Variants in PDE7B observed in about 807,000 individuals in gnomAD.
The protein encoded by PDE7B is 3',5'-cyclic-AMP phosphodiesterase 7B.
PDE7B carries 29 observed loss-of-function variants against 56.2 expected under a neutral mutation model. The ratio of observed to expected loss-of-function variants is 0.52; its 90% CI spans 0.38 to 0.70. The LOEUF (loss-of-function observed/expected upper bound fraction) is 0.70. Among genes scored for constraint, PDE7B ranks in the 30% least tolerant of loss-of-function variants. The pLI is 0.00. For missense variants in PDE7B, 490 were observed against 565.0 expected, an observed-to-expected ratio of 0.87 and a Z score of 1.35; for synonymous variants, 197 against 196.9, an observed-to-expected ratio of 1.00 and a Z score of 0.00.
rs112108617 is a variant in PDE7B at position 136,037,359 on chromosome 6, C to G, written c.83-71372C>G. The G allele has an allele frequency of 3.3e-3, 3,074 of 922,522 alleles. 84 individuals carry two copies. In the African/African-American group the frequency reaches 0.048, roughly 15 times the overall value. 57.1% of individuals were successfully genotyped at this position (922,522 alleles called of 1,614,324 possible). ...AATGTGATTCAATGTTATTTCCCTT[C>G]CAGCTGAAGGGCAGCTGAGGTTATG... On this transcript the variant is annotated intron_variant, in intron 2 of 12. Coordinates refer to ENST00000308191, the MANE Select transcript of PDE7B (RefSeq NM_018945.4).
At chr6:135,981,948 A>G (rs1775305016) in intron 2 of PDE7B, among the ~76,000 whole-genome samples, 2 of 152,082 alleles carry the variant, frequency 1.3e-5, no homozygotes, top group South Asian at 4.1e-4. Flanking sequence ...ATCACCATAA[A>G]CAGTGCGATG....
At chr6:135,928,501 TTA>T (rs199760999) in intron 1 of PDE7B, among the ~76,000 whole-genome samples, 24,707 of 93,434 alleles carry the variant, frequency 0.26, 3,852 homozygotes, top group East Asian at 0.37. Flanking sequence ...ATATATATAT[TTA>T]TATATATATA....
intron 1 of PDE7B, among the ~76,000 whole-genome samples, chr6:135,877,559 A>T (rs947459590): frequency 2.0e-5 from 3 of 152,016 alleles, no homozygotes; most frequent in Admixed American, 2.0e-4. Flanking sequence ...GGGTCATGCT[A>T]ATGCAAAGCT....
At chr6:135,969,270 C>T (rs1775051537) in intron 2 of PDE7B, among the ~76,000 whole-genome samples, 1 of 152,050 alleles carries the variant, frequency 6.6e-6, no homozygotes, top group Non-Finnish European at 1.5e-5. Context: ...ACCTATGTAA[C>T]AAACCTGCAC....
intron 2 of PDE7B, among the ~76,000 whole-genome samples, chr6:136,061,022 A>C (rs990077590): frequency 1.3e-5 from 2 of 152,180 alleles, no homozygotes; most frequent in African/African-American, 2.4e-5. Flanking sequence ...TACTGAATGC[A>C]TGAAGGTAAA....
intron 8 of PDE7B, among the ~76,000 whole-genome samples, chr6:136,171,744 G>A (rs1158440263): frequency 2.7e-5 from 4 of 150,400 alleles, no homozygotes; most frequent in Non-Finnish European, 4.4e-5. Flanking sequence ...CCATTAACTC[G>A]TCACTTAGCA....
intron 1 of PDE7B, 142 bp from the exon 2 acceptor site, chr6:135,947,322 C>A (rs1333689873): frequency 3.7e-5 from 25 of 675,174 alleles, no homozygotes; most frequent in Non-Finnish European, 5.9e-5. Context: ...AGTCTCTGCT[C>A]ATGACATAAG....
intron 2 of PDE7B, among the ~76,000 whole-genome samples, chr6:135,961,801 C>T (rs966592643): frequency 3.3e-5 from 5 of 152,062 alleles, no homozygotes; most frequent in Admixed American, 1.3e-4. Flanking sequence ...ACAAAATATA[C>T]AACTAACTAT....
chr6:135,910,246 A>C (rs1245287384), intron 1 of PDE7B, among the ~76,000 whole-genome samples: 3 of 152,016 alleles, frequency 2.0e-5, no homozygotes, highest in African/African-American at 7.3e-5. Context: ...GGGGGATCCA[A>C]CTCCTCACTT....
chr6:135,887,371 T>C (rs1012783404), intron 1 of PDE7B, among the ~76,000 whole-genome samples: 1 of 152,168 alleles, frequency 6.6e-6, no homozygotes, highest in Non-Finnish European at 1.5e-5. Context: ...TTGCTTTCAG[T>C]ACTTTATAAT....
intron 3 of PDE7B, among the ~76,000 whole-genome samples, chr6:136,136,726 C>T (rs1161651586): frequency 7.6e-6 from 1 of 132,436 alleles, no homozygotes; most frequent in Non-Finnish European, 1.7e-5. Context: ...AAAAATAAAA[C>T]AATTATAAGA....
intron 2 of PDE7B, among the ~76,000 whole-genome samples, chr6:135,979,955 G>T (rs1775265371): frequency 6.6e-6 from 1 of 152,054 alleles, no homozygotes; most frequent in Non-Finnish European, 1.5e-5. Context: ...AAGTTCATAT[G>T]GAACCAAAAA....
intron 9 of PDE7B, among the ~76,000 whole-genome samples, chr6:136,178,142 G>C (rs1643920699): frequency 6.6e-6 from 1 of 152,206 alleles, no homozygotes; most frequent in Non-Finnish European, 1.5e-5. Flanking sequence ...CAAAGAGCAA[G>C]AAAGTGGTTA....
chr6:135,962,185 A>G (rs1771867757), intron 2 of PDE7B, among the ~76,000 whole-genome samples: 1 of 152,224 alleles, frequency 6.6e-6, no homozygotes, highest in Admixed American at 6.5e-5. Flanking sequence ...TTAAGGCATC[A>G]TATTTGGAAA....
At chr6:135,870,278 C>T (rs1334766999) in intron 1 of PDE7B, among the ~76,000 whole-genome samples, 3 of 152,074 alleles carry the variant, frequency 2.0e-5, no homozygotes, top group African/African-American at 7.2e-5. Flanking sequence ...GCTGTGATTC[C>T]AGATTCTGGA....
intron 2 of PDE7B, among the ~76,000 whole-genome samples, chr6:136,039,544 A>G (rs569213866): frequency 6.6e-5 from 10 of 152,318 alleles, no homozygotes; most frequent in South Asian, 6.2e-4. Context: ...TTTGATTTTA[A>G]TGATTTATGC....
Position 136,031,734 on chromosome 6 carries a change from G to A in PDE7B, c.83-76997G>A, listed in dbSNP as rs1241077353. Among the ~76,000 whole-genome samples the A allele has an allele frequency of 8.1e-5, 7 of 86,556 alleles. No individual in the cohort carries two copies. In the Admixed American group the frequency reaches 9.1e-4, roughly 11 times the overall value. The allele number at this position is 86,556 out of a possible 152,430, so 56.8% of individuals were successfully genotyped here. The stretch of plus-strand genomic sequence containing the variant: ...AGCCTGGGCGACAGAGCGAGACTCC[G>A]TCTCAAAAAAAAAAAAAAAAAAAGA... On this transcript the variant is annotated intron_variant, in intron 2 of 12. Transcript: ENST00000308191.
At chr6:135,917,022 G>T (rs1212284320) in intron 1 of PDE7B, among the ~76,000 whole-genome samples, 1 of 152,032 alleles carries the variant, frequency 6.6e-6, no homozygotes, top group East Asian at 1.9e-4. Context: ...TTAACCCAAG[G>T]TTGCAAAGAT....
intron 11 of PDE7B, among the ~76,000 whole-genome samples, chr6:136,182,903 T>G (rs112008002): frequency 4.0e-5 from 6 of 151,864 alleles, no homozygotes; most frequent in African/African-American, 1.5e-4. Flanking sequence ...TGAAACTCAG[T>G]CTCTAATCAA....
Sources: allele counts gnomAD v4.1 joint callset (sites outside exome capture counted in the v4.1 genomes callset), GRCh38; gene constraint gnomAD v4.1.1; transcripts MANE v1.5; gene names NCBI Gene and HGNC (gene_info 2026-07-23, HGNC 2026-07-21).